Variants in GBF1 observed in about 807,000 individuals in gnomAD.
The protein encoded by GBF1 is golgi brefeldin A resistant guanine nucleotide exchange factor 1.
GBF1 carries 114 observed loss-of-function variants against 210.5 expected under a neutral mutation model. That is an observed-to-expected ratio of 0.54 (90% CI 0.47 to 0.63). GBF1 has a LOEUF of 0.63. Among genes scored for constraint, GBF1 ranks in the 30% least tolerant of loss-of-function variants. The pLI, the probability that GBF1 is intolerant of heterozygous loss-of-function variation, is 0.00. For missense variants in GBF1, 1,851 were observed against 2,357.7 expected (o/e 0.79, Z 4.45); for synonymous variants, 850 against 889.2 (o/e 0.96, Z 0.78).
chr10:102,308,539 G>A (rs1228763765), intron 3 of GBF1, among the ~76,000 whole-genome samples: 2 of 151,994 alleles, frequency 1.3e-5, no homozygotes, highest in African/African-American at 4.8e-5. Flanking sequence ...GGAATACTAT[G>A]CAGCCATAAA....
intron 12 of GBF1, 46 bp downstream of exon 12, chr10:102,360,441 AG>A: frequency 8.1e-7 from 1 of 1,233,704 alleles, no homozygotes. Flanking sequence ...TTCAAGGGCC[AG>A]GGGAACACAG....
intron 3 of GBF1, among the ~76,000 whole-genome samples, chr10:102,321,211 C>G (rs1320487600): frequency 6.6e-6 from 1 of 152,138 alleles, no homozygotes; most frequent in African/African-American, 2.4e-5. Flanking sequence ...TGTGTGATCC[C>G]TTGCCTAATG....
At chr10:102,246,042 A>G (rs1237725946) in intron 1 of GBF1, among the ~76,000 whole-genome samples, 4 of 152,168 alleles carry the variant, frequency 2.6e-5, no homozygotes, top group African/African-American at 4.8e-5. Flanking sequence ...CTGTTTTCCC[A>G]GGCTTGACCT....
At position 102,358,079 on chromosome 10, in the gene GBF1, G is replaced by C; in HGVS notation, c.680G>C (p.Trp227Ser). 1 of 1,609,752 alleles carries C rather than the reference G, an allele frequency of 6.2e-7. No homozygotes were observed. ...GGAGGCATGAGTGATTCATCCAAAT[G>C]GAAGAAACAGAAGAGATCCCCTCGG... ...RAGGMSDSSKWKKQKRSPRPP... is the reference protein window; with the variant it reads ...RAGGMSDSSKSKKQKRSPRPP... The change falls in exon 9 of 40, where the codon TGG becomes TCG. Residue 227 changes from tryptophan (W) to serine (S), a missense_variant. Coordinates refer to ENST00000369983, the MANE Select transcript of GBF1 (RefSeq NM_001377137.1).
intron 3 of GBF1, among the ~76,000 whole-genome samples, chr10:102,315,868 T>A (rs2078887282): frequency 6.6e-6 from 1 of 152,066 alleles, no homozygotes; most frequent in Non-Finnish European, 1.5e-5. Context: ...CAGACTACAA[T>A]TTAGCAATTC....
chr10:102,372,266 CAA>C, intron 29 of GBF1, among the ~76,000 whole-genome samples: 1 of 151,348 alleles, frequency 6.6e-6, no homozygotes, highest in Middle Eastern at 3.4e-3. Context: ...TCTGTAATCC[CAA>C]CACTTTGTGA....
intron 18 of GBF1, 124 bp downstream of exon 18, chr10:102,365,723 C>T (rs2059878470): frequency 5.0e-6 from 4 of 804,106 alleles, no homozygotes; most frequent in Non-Finnish European, 6.4e-6. Context: ...CCAGCCTGGG[C>T]AACATGGTGA....
Position 102,365,509 on chromosome 10 carries a change from G to A in GBF1, c.2219G>A (p.Trp740Ter). The A allele has an allele frequency of 6.2e-7, 1 of 1,614,186 alleles. No homozygotes were observed. The highest frequency in any genetic ancestry group is 1.1e-5 in the South Asian group (1 of 91,090). The change falls in exon 18 of 40, where the codon TGG (tryptophan) becomes TAG (stop). Residue 740 changes from tryptophan (W) to a stop codon, truncating the protein, a stop_gained. Coordinates refer to ENST00000369983, the MANE Select transcript of GBF1 (RefSeq NM_001377137.1). LOFTEE classifies it high-confidence loss of function. The part of the protein sequence containing the change: ...IPMDNTEVAQ[W>*]LRENPRLDKK... ...ATGGACAACACAGAGGTTGCTCAGT[G>A]GCTCCGAGAGAACCCTCGGCTGGAC...
intron 3 of GBF1, among the ~76,000 whole-genome samples, chr10:102,343,452 A>G: frequency 1.3e-5 from 2 of 152,314 alleles, no homozygotes; most frequent in South Asian, 4.1e-4. Flanking sequence ...AATTATTGTT[A>G]ATTTTTAAAA....
intron 3 of GBF1, among the ~76,000 whole-genome samples, chr10:102,329,498 C>G (rs2057163069): frequency 6.6e-6 from 1 of 152,118 alleles, no homozygotes; most frequent in African/African-American, 2.4e-5. Context: ...GAGTCTTGCT[C>G]TGTCTCCCAG....
intron 3 of GBF1, among the ~76,000 whole-genome samples, chr10:102,271,514 C>CTTT (rs66646383): frequency 7.1e-6 from 1 of 140,144 alleles, no homozygotes; most frequent in Non-Finnish European, 1.5e-5. Flanking sequence ...TTTTCTCCAC[C>CTTT]TTTTTTTTTT....
intron 3 of GBF1, among the ~76,000 whole-genome samples, chr10:102,278,509 A>T (rs1347809093): frequency 1.3e-5 from 2 of 152,204 alleles, no homozygotes; most frequent in Admixed American, 6.5e-5. Flanking sequence ...TAAAAAATTG[A>T]TCCATAATAA....
intron 3 of GBF1, among the ~76,000 whole-genome samples, chr10:102,336,738 T>G (rs1207483429): frequency 6.6e-6 from 1 of 152,202 alleles, no homozygotes; most frequent in Non-Finnish European, 1.5e-5. Flanking sequence ...ACTGGCCTTG[T>G]ACAAATTACT....
At chr10:102,284,555 T>G (rs1052299602) in intron 3 of GBF1, among the ~76,000 whole-genome samples, 1 of 152,202 alleles carries the variant, frequency 6.6e-6, no homozygotes, top group Non-Finnish European at 1.5e-5. Context: ...CTTAGCATAA[T>G]GTTTTTGAGG....
At chr10:102,368,180 A>G in intron 21 of GBF1, 38 bp from the exon 22 acceptor site, 4 of 1,349,468 alleles carry the variant, frequency 3.0e-6, no homozygotes, top group South Asian at 2.3e-5. Context: ...AGTCAGGTTC[A>G]AAGCAGTGCA....
intron 3 of GBF1, among the ~76,000 whole-genome samples, chr10:102,293,768 TG>T (rs779907038): frequency 0.023 from 499 of 21,686 alleles, 157 homozygotes; most frequent in Non-Finnish European, 0.037. Flanking sequence ...TAGTATGTTT[TG>T]TGTTTTTTTT....
Position 102,351,246 on chromosome 10 carries a change from G to A in GBF1, c.296-10G>A, listed in dbSNP as rs180673138. 241 of 1,416,308 alleles carry A rather than the reference G, an allele frequency of 1.7e-4. No individual in the cohort carries two copies. The highest frequency in any genetic ancestry group is 1.7e-3 in the African/African-American group (118 of 70,862). 87.7% of individuals were successfully genotyped at this position (1,416,308 alleles called of 1,614,324 possible). On this transcript the variant is annotated splice_polypyrimidine_tract_variant and intron_variant, in intron 4 of 39. Coordinates refer to ENST00000369983, the MANE Select transcript of GBF1 (RefSeq NM_001377137.1). ...CACATCACTTAATCTTTCCTTTTTC[G>A]CTGGAGCAGATCCCACCCATGAGGG...
chr10:102,325,342 A>T (rs939145472), intron 3 of GBF1, among the ~76,000 whole-genome samples: 2 of 152,112 alleles, frequency 1.3e-5, no homozygotes, highest in Non-Finnish European at 1.5e-5. Flanking sequence ...TGAGGTCAGG[A>T]GTTCAAGACC....
At chr10:102,300,992 T>TA in intron 3 of GBF1, among the ~76,000 whole-genome samples, 1 of 150,996 alleles carries the variant, frequency 6.6e-6, no homozygotes, top group East Asian at 1.9e-4. Context: ...TTTTTTTTTT[T>TA]AAGTATTTAT....
Sources: allele counts gnomAD v4.1 joint callset (sites outside exome capture counted in the v4.1 genomes callset), GRCh38; gene constraint gnomAD v4.1.1; transcripts MANE v1.5; gene names NCBI Gene and HGNC (gene_info 2026-07-23, HGNC 2026-07-21).